The following HS2ST1 variants were observed in gnomAD, a reference collection of about 807,000 sequenced individuals.
HS2ST1 encodes the protein 2-O-sulfotransferase.
A neutral mutation model predicts 42.9 loss-of-function variants in HS2ST1; 18 were observed. The ratio of observed to expected loss-of-function variants is 0.42; its 90% CI spans 0.29 to 0.62. The LOEUF (loss-of-function observed/expected upper bound fraction) is 0.62. Among genes scored for constraint, HS2ST1 ranks in the 20% least tolerant of loss-of-function variants. The pLI, the probability that HS2ST1 is intolerant of heterozygous loss-of-function variation, is 0.21. For synonymous variants in HS2ST1, 146 were observed against 152.9 expected (o/e 0.95, Z 0.33); for missense variants, 334 against 433.8 (o/e 0.77, Z 2.04).
At position 87,105,587 on chromosome 1, in the gene HS2ST1, C is replaced by T. The variant is rs1429978456; in HGVS notation, c.*891C>T. ...CTTCTTCTGTACTTTTACCTGTAGA[C>T]TATTTTTACTAAGGTGCTTTATAAT... On this transcript the variant is annotated 3_prime_UTR_variant, in exon 7 of 7. Transcript: ENST00000370550. 3.9e-5 allele frequency: 6 copies of T among 152,452 alleles called. No individual in the cohort carries two copies. Among genetic ancestry groups the T allele is most frequent in the Admixed American group, 3.9e-4 (6 of 15,256 alleles). The allele number at this position is 152,452 out of a possible 1,614,324, so 9.4% of individuals were successfully genotyped here.
intron 1 of HS2ST1, among the ~76,000 whole-genome samples, chr1:86,965,098 A>T (rs551379009): frequency 6.6e-6 from 1 of 152,322 alleles, no homozygotes; most frequent in South Asian, 2.1e-4. Context: ...ACTTGTTTCA[A>T]AAAGGATTTT....
At chr1:87,045,943 A>G (rs1160521634) in intron 1 of HS2ST1, 6 of 710,776 alleles carry the variant, frequency 8.4e-6, no homozygotes, top group South Asian at 2.7e-5. Context: ...TCTGGTTACT[A>G]TTGATGTCAG....
chr1:87,017,597 G>A (rs1330123340), intron 1 of HS2ST1, among the ~76,000 whole-genome samples: 3 of 152,136 alleles, frequency 2.0e-5, no homozygotes, highest in Non-Finnish European at 4.4e-5. Flanking sequence ...ACAGTCATTC[G>A]TCTTTTGTTT....
chr1:87,006,073 AAACTT>A (rs10593070), intron 1 of HS2ST1, among the ~76,000 whole-genome samples: 2,125 of 152,296 alleles, frequency 0.014, 54 homozygotes, highest in African/African-American at 0.048. Context: ...TATGAAAACA[AAACTT>A]TAATTAAAAA....
In HS2ST1 at chr1:87,108,023, T is replaced by G. The variant is rs879165939; in HGVS notation, c.*3327T>G. On this transcript the variant is annotated 3_prime_UTR_variant, in exon 7 of 7. Coordinates refer to ENST00000370550, the MANE Select transcript of HS2ST1 (RefSeq NM_012262.4). ...CTTAAAATTTGGTTAATGCCTATAA[T>G]CTGTTGCTTTTTCTCAATATGTGTC... The G allele has an allele frequency of 6.6e-6, 1 of 152,130 alleles. No homozygotes were observed. Among genetic ancestry groups the G allele is most frequent in the South Asian group, 2.1e-4 (1 of 4,832 alleles). 9.4% of individuals were successfully genotyped at this position (152,130 alleles called of 1,614,324 possible).
chr1:86,925,262 T>C (rs1468954919), intron 1 of HS2ST1, among the ~76,000 whole-genome samples: 6 of 152,134 alleles, frequency 3.9e-5, no homozygotes, highest in Non-Finnish European at 7.4e-5. Flanking sequence ...ATTCAGCAAG[T>C]CTCTAGGAAG....
At chr1:86,988,028 G>A (rs1351537911) in intron 1 of HS2ST1, among the ~76,000 whole-genome samples, 1 of 152,196 alleles carries the variant, frequency 6.6e-6, no homozygotes, top group Non-Finnish European at 1.5e-5. Flanking sequence ...AATAAAGGTT[G>A]CTGGTCTCTC....
intron 1 of HS2ST1, among the ~76,000 whole-genome samples, chr1:87,004,561 A>G (rs954765320): frequency 1.3e-5 from 2 of 152,206 alleles, no homozygotes; most frequent in African/African-American, 4.8e-5. Flanking sequence ...ACTGTTTATA[A>G]GCAGAGAAAT....
chr1:87,023,941 A>G (rs1460375992), intron 1 of HS2ST1, among the ~76,000 whole-genome samples: 1 of 152,172 alleles, frequency 6.6e-6, no homozygotes, highest in African/African-American at 2.4e-5. Flanking sequence ...CCATTGGAGA[A>G]AGGGCTAACA....
At chr1:86,943,374 A>G (rs1161382906) in intron 1 of HS2ST1, among the ~76,000 whole-genome samples, 3 of 152,176 alleles carry the variant, frequency 2.0e-5, no homozygotes, top group African/African-American at 4.8e-5. Context: ...CCCTTCAGAT[A>G]CTGACACTGA....
chr1:86,973,096 C>T (rs573480314), intron 1 of HS2ST1, among the ~76,000 whole-genome samples: 2 of 152,282 alleles, frequency 1.3e-5, no homozygotes, highest in Non-Finnish European at 1.5e-5. Flanking sequence ...GGTTTCTCCA[C>T]TGTAAAGCTA....
At chr1:86,968,201 C>CATA (rs1371150172) in intron 1 of HS2ST1, among the ~76,000 whole-genome samples, 2 of 152,118 alleles carry the variant, frequency 1.3e-5, no homozygotes, top group African/African-American at 4.8e-5. Flanking sequence ...TTGTCAGATG[C>CATA]ATAGTTGGCA....
chr1:87,020,307 A>T (rs1220834135), intron 1 of HS2ST1, among the ~76,000 whole-genome samples: 1 of 152,150 alleles, frequency 6.6e-6, no homozygotes, highest in African/African-American at 2.4e-5. Flanking sequence ...TAGTTCTCAC[A>T]GTGTATATTT....
intron 2 of HS2ST1, among the ~76,000 whole-genome samples, chr1:87,083,583 C>T (rs1017138850): frequency 4.0e-4 from 61 of 151,836 alleles, no homozygotes; most frequent in African/African-American, 1.2e-3. Flanking sequence ...TTTTTGTGTA[C>T]GTTAATTCCA....
chr1:87,067,617 G>T (rs1293814198), intron 1 of HS2ST1, among the ~76,000 whole-genome samples: 1 of 151,896 alleles, frequency 6.6e-6, no homozygotes, highest in Admixed American at 6.6e-5. Context: ...CATTGCTTTT[G>T]GTGTTTTAGT....
chr1:87,065,888 A>G (rs1651236906), intron 1 of HS2ST1, among the ~76,000 whole-genome samples: 2 of 152,074 alleles, frequency 1.3e-5, no homozygotes, highest in Admixed American at 6.6e-5. Flanking sequence ...AGTTGTTATC[A>G]ATGTATTTCT....
At chr1:86,977,598 G>C (rs1449798746) in intron 1 of HS2ST1, among the ~76,000 whole-genome samples, 3 of 152,148 alleles carry the variant, frequency 2.0e-5, no homozygotes, top group Admixed American at 1.3e-4. Flanking sequence ...AAAATATCAA[G>C]TCTTGTACTT....
chr1:87,041,102 C>G (rs1241790576), intron 1 of HS2ST1, among the ~76,000 whole-genome samples: 1 of 151,740 alleles, frequency 6.6e-6, no homozygotes, highest in Admixed American at 6.6e-5. Flanking sequence ...TAGCATCATT[C>G]TGATTGTTGT....
intron 3 of HS2ST1, among the ~76,000 whole-genome samples, chr1:87,088,765 G>A (rs1651871068): frequency 7.4e-6 from 1 of 135,338 alleles, no homozygotes; most frequent in African/African-American, 2.7e-5. Context: ...TCTAATAGGT[G>A]CACAGTTGAT....
Sources: gnomAD v4.1 joint callset for allele counts (sites outside exome capture counted in the v4.1 genomes callset) on GRCh38, gnomAD v4.1.1 for gene constraint, MANE v1.5 for transcripts, NCBI Gene and HGNC (gene_info 2026-07-23, HGNC 2026-07-21) for gene names.